Variants in BCL2L14 observed in about 807,000 individuals in gnomAD.
BCL2L14 encodes BCL2 like 14.
Under a neutral mutation model 35.3 loss-of-function variants are expected in BCL2L14, and 27 were observed. The ratio of observed to expected loss-of-function variants is 0.76; its 90% CI spans 0.56 to 1.05. The LOEUF (loss-of-function observed/expected upper bound fraction) is 1.05, where lower values mean the gene tolerates loss of function less well. Ranked by LOEUF, BCL2L14 falls within the 50% of genes least tolerant of loss-of-function variation. The pLI is 0.00. For missense variants in BCL2L14, 377 were observed against 382.6 expected, an observed-to-expected ratio of 0.99 and a Z score of 0.12; for synonymous variants, 139 against 145.9, an observed-to-expected ratio of 0.95 and a Z score of 0.34.
intron 1 of BCL2L14, among the ~76,000 whole-genome samples, chr12:12,050,317 C>T (rs535412870): frequency 1.3e-5 from 2 of 151,700 alleles, no homozygotes; most frequent in South Asian, 4.2e-4. Flanking sequence ...CATGTAGTCC[C>T]AGCTACTCGG....
At chr12:12,095,259 A>G (rs1949289514) in intron 5 of BCL2L14, 1 of 985,372 alleles carries the variant, frequency 1.0e-6, no homozygotes, top group Non-Finnish European at 1.2e-6. Context: ...TTTGCAGGCA[A>G]CGGAAGTCTG....
intron 2 of BCL2L14, among the ~76,000 whole-genome samples, chr12:12,085,445 G>A (rs1451992529): frequency 1.3e-5 from 2 of 152,192 alleles, no homozygotes; most frequent in Admixed American, 6.5e-5. Context: ...AGCGGAGGCC[G>A]GCTGGGCTGC....
intron 2 of BCL2L14, among the ~76,000 whole-genome samples, chr12:12,086,717 G>T (rs1355167433): frequency 1.3e-5 from 2 of 152,218 alleles, no homozygotes; most frequent in East Asian, 3.9e-4. Context: ...AATGGACTTG[G>T]ATGATGAATC....
chr12:12,052,532 T>C (rs1948372930), intron 2 of BCL2L14, among the ~76,000 whole-genome samples: 1 of 152,258 alleles, frequency 6.6e-6, no homozygotes, highest in Non-Finnish European at 1.5e-5. Context: ...TTCATCCATG[T>C]TGTCCCAAAT....
chr12:12,065,946 A>G (rs1268308887), upstream of BCL2L14, among the ~76,000 whole-genome samples: 1 of 152,012 alleles, frequency 6.6e-6, no homozygotes, highest in African/African-American at 2.4e-5. Flanking sequence ...ACCCACCACC[A>G]TGCCCAGCTA....
In BCL2L14 at chr12:12,077,876, G is replaced by A. The variant is rs545489555; in HGVS notation, c.-7-1423G>A. 175 of 321,152 alleles carry A rather than the reference G, an allele frequency of 5.4e-4. 1 individual carries two copies. Among genetic ancestry groups the A allele is most frequent in the African/African-American group, 3.5e-3 (164 of 46,420 alleles). The allele number at this position is 321,152 out of a possible 1,614,324, so 19.9% of individuals were successfully genotyped here. On this transcript the variant is annotated intron_variant, in intron 1 of 5. Transcript: ENST00000308721. Reference sequence around the variant, plus strand: ...TAGATCTGAGCTTTCTCGCATCTGAGACTAAAAGGAAAATGTAGTCCTTAA... The same window carrying A: ...TAGATCTGAGCTTTCTCGCATCTGAAACTAAAAGGAAAATGTAGTCCTTAA...
At chr12:12,079,164 T>C (rs1948850622) in intron 1 of BCL2L14, 135 bp from the exon 2 acceptor site, 1 of 735,780 alleles carries the variant, frequency 1.4e-6, no homozygotes, top group African/African-American at 1.8e-5. Context: ...CTGTGGCTTT[T>C]CCCTCTCTAC....
Position 12,099,046 on chromosome 12 carries a change from C to T in BCL2L14, c.*58C>T, listed in dbSNP as rs1291848143. 5 of 1,280,740 alleles carry T rather than the reference C, an allele frequency of 3.9e-6. No homozygotes were observed. In the East Asian group the frequency reaches 9.2e-5, roughly 24 times the overall value. 79.3% of individuals were successfully genotyped at this position (1,280,740 alleles called of 1,614,324 possible). A position where few individuals can be genotyped will look rare whatever the true frequency, so the allele number is the denominator to read the frequency against. On this transcript the variant is annotated 3_prime_UTR_variant, in exon 6 of 6. Coordinates refer to ENST00000308721, the MANE Select transcript of BCL2L14 (RefSeq NM_138723.2). ...TCTACTGTGGTCCTGTGCACGTTGG[C>T]CTCAGATGGACTACAGGAGATTACA...
intron 3 of BCL2L14, among the ~76,000 whole-genome samples, chr12:12,089,415 C>A (rs991162615): frequency 2.7e-5 from 4 of 150,282 alleles, no homozygotes; most frequent in Non-Finnish European, 1.5e-5. Context: ...TTTTGCCAAG[C>A]CTGGGCACGG....
At chr12:12,093,799 A>AAAG (rs1464541770) in intron 4 of BCL2L14, among the ~76,000 whole-genome samples, 6 of 150,200 alleles carry the variant, frequency 4.0e-5, no homozygotes, top group Non-Finnish European at 5.9e-5. Flanking sequence ...TCTCAGAAAA[A>AAAG]AAAAAAAGAA....
intron 2 of BCL2L14, among the ~76,000 whole-genome samples, chr12:12,057,539 C>T (rs1397785338): frequency 6.6e-6 from 1 of 152,052 alleles, no homozygotes; most frequent in Non-Finnish European, 1.5e-5. Context: ...GGGTGGATCA[C>T]CTGAGGTCGG....
intron 2 of BCL2L14, among the ~76,000 whole-genome samples, chr12:12,059,376 G>C (rs1046656000): frequency 1.3e-5 from 2 of 151,850 alleles, no homozygotes; most frequent in South Asian, 4.2e-4. Flanking sequence ...TTCTGGAGGA[G>C]AGGCAAGTAC....
At chr12:12,059,789 G>A (rs376412608) in intron 2 of BCL2L14, among the ~76,000 whole-genome samples, 5 of 152,000 alleles carry the variant, frequency 3.3e-5, no homozygotes, top group Admixed American at 6.6e-5. Context: ...CTGCAATGCC[G>A]CTTGACCCCA....
intron 2 of BCL2L14, among the ~76,000 whole-genome samples, chr12:12,058,353 C>G (rs184592688): frequency 1.2e-3 from 186 of 151,716 alleles, no homozygotes; most frequent in African/African-American, 4.3e-3. Context: ...CGGGTTCAAG[C>G]GATTCTCCTG....
At chr12:12,080,387 G>A (rs986021254) in intron 2 of BCL2L14, among the ~76,000 whole-genome samples, 2 of 151,794 alleles carry the variant, frequency 1.3e-5, no homozygotes, top group African/African-American at 4.8e-5. Context: ...TTGGAAGGTT[G>A]AGGTGGGCAG....
chr12:12,081,385 G>T (rs1416408159), intron 2 of BCL2L14, among the ~76,000 whole-genome samples: 1 of 150,830 alleles, frequency 6.6e-6, no homozygotes, highest in African/African-American at 2.4e-5. Flanking sequence ...AGCTCAGGAG[G>T]TCAAGGCTGC....
chr12:12,088,396 T>C (rs543449404), intron 3 of BCL2L14, among the ~76,000 whole-genome samples: 1 of 152,218 alleles, frequency 6.6e-6, no homozygotes, highest in South Asian at 2.1e-4. Context: ...GGCTTTCCAC[T>C]TGCCCAGCGC....
At position 12,099,207 on chromosome 12, in the gene BCL2L14, C is replaced by T. The variant is rs559969792; in HGVS notation, c.*219C>T. On this transcript the variant is annotated 3_prime_UTR_variant, in exon 6 of 6. Coordinates refer to ENST00000308721, the MANE Select transcript of BCL2L14 (RefSeq NM_138723.2). The stretch of plus-strand genomic sequence containing the variant: ...TCCTTGACAGTGATGTTTTTCAGGC[C>T]CTCCATTGAGAACCTGAGGAAATCT... 4.7e-5 allele frequency: 25 copies of T among 536,990 alleles called. No individual in the cohort carries two copies. Among genetic ancestry groups the T allele is most frequent in the African/African-American group, 3.4e-4 (18 of 52,398 alleles). 33.3% of individuals were successfully genotyped at this position (536,990 alleles called of 1,614,324 possible).
At chr12:12,051,087 A>G (rs1443224710) in intron 1 of BCL2L14, among the ~76,000 whole-genome samples, 1 of 152,220 alleles carries the variant, frequency 6.6e-6, no homozygotes, top group African/African-American at 2.4e-5. Flanking sequence ...TCACTGTAGT[A>G]AAGTTCAGCG....
Sources: allele counts gnomAD v4.1 joint callset (sites outside exome capture counted in the v4.1 genomes callset), GRCh38; gene constraint gnomAD v4.1.1; transcripts MANE v1.5; gene names NCBI Gene and HGNC (gene_info 2026-07-23, HGNC 2026-07-21).